Variants in SPATS2L observed in about 807,000 individuals in gnomAD.
SPATS2L encodes spermatogenesis associated serine rich 2 like, also known as SPATS2-like protein.
Under a neutral mutation model 59.6 loss-of-function variants are expected in SPATS2L, and 30 were observed. The observed-to-expected ratio is 0.50, with a 90% confidence interval of 0.38 to 0.68. The LOEUF (loss-of-function observed/expected upper bound fraction) is 0.68, where lower values mean the gene tolerates loss of function less well. Ranked by LOEUF, SPATS2L falls within the 30% of genes least tolerant of loss-of-function variation. The pLI, the probability that SPATS2L is intolerant of heterozygous loss-of-function variation, is 0.00. For missense variants in SPATS2L, 615 were observed against 700.0 expected (o/e 0.88, Z 1.37); for synonymous variants, 252 against 263.5 (o/e 0.96, Z 0.42).
rs894348760 is a variant in SPATS2L, at chr2:200,327,295, T to G, written c.-72-2136T>G. ...GGCATGCACCTGTAATCCCAGCTAC[T>G]TGAGAGGCCAAGGCAGGAGAATCAC... On this transcript the variant is annotated intron_variant, in intron 1 of 12. Coordinates refer to ENST00000409140, the MANE Select transcript of SPATS2L (RefSeq NM_001100423.2). Among the ~76,000 whole-genome samples, 7 of 152,124 alleles carry G rather than the reference T, an allele frequency of 4.6e-5. No homozygotes were observed. In the East Asian group the frequency reaches 1.4e-3, roughly 30 times the overall value.
chr2:200,381,479 T>C (rs1376718472), intron 2 of SPATS2L, among the ~76,000 whole-genome samples: 1 of 152,164 alleles, frequency 6.6e-6, no homozygotes, highest in African/African-American at 2.4e-5. Context: ...CTTCCAACTC[T>C]CCCTATCGAA....
intron 12 of SPATS2L, among the ~76,000 whole-genome samples, chr2:200,474,932 A>T (rs1053157485): frequency 1.4e-5 from 2 of 145,016 alleles, no homozygotes; most frequent in African/African-American, 5.1e-5. Context: ...GGGCCACTGG[A>T]ATCTACACTC....
chr2:200,356,265 A>G (rs187705691), intron 2 of SPATS2L, among the ~76,000 whole-genome samples: 1 of 152,318 alleles, frequency 6.6e-6, no homozygotes. Context: ...AAAATGATAA[A>G]CATGCATAAA....
At chr2:200,362,504 G>A (rs1574495403) in intron 2 of SPATS2L, among the ~76,000 whole-genome samples, 1 of 152,174 alleles carries the variant, frequency 6.6e-6, no homozygotes, top group Non-Finnish European at 1.5e-5. Flanking sequence ...GGGGACAAAA[G>A]AAAGTGGGAA....
At chr2:200,384,336 TTTTATTTATTTA>T (rs10592541) in intron 2 of SPATS2L, among the ~76,000 whole-genome samples, 100 of 148,192 alleles carry the variant, frequency 6.7e-4, no homozygotes, top group African/African-American at 2.3e-3. Flanking sequence ...GGTTCATAAA[TTTTATTTATTTA>T]TTTATTTATT....
At position 200,389,293 on chromosome 2, in the gene SPATS2L, A is replaced by G. The variant is rs2082096673; in HGVS notation, c.39+10A>G. 5 of 1,568,768 alleles carry G rather than the reference A, an allele frequency of 3.2e-6. No homozygotes were observed. The highest frequency in any genetic ancestry group is 4.3e-6 in the Non-Finnish European group (5 of 1,153,464). On this transcript the variant is annotated intron_variant, in intron 3 of 12. Transcript: ENST00000409140. ...GAATGTCAAGGAAAAGGTAAGATCA[A>G]GTTATACGTTGGCTCACAGAAACTC...
intron 2 of SPATS2L, among the ~76,000 whole-genome samples, chr2:200,353,551 C>A (rs573316010): frequency 6.6e-6 from 1 of 152,244 alleles, no homozygotes; most frequent in Non-Finnish European, 1.5e-5. Flanking sequence ...TCTTCCAACC[C>A]TTTACCATTC....
chr2:200,444,802 C>T (rs75384063), intron 8 of SPATS2L, among the ~76,000 whole-genome samples: 5,210 of 152,176 alleles, frequency 0.034, 190 homozygotes, highest in East Asian at 0.16. Flanking sequence ...ACAGGGTGAA[C>T]CTCCTGCTGC....
In SPATS2L at chr2:200,478,049, C is replaced by G; in HGVS notation, c.*18C>G. 6.6e-7 allele frequency: 1 copy of G among 1,523,258 alleles called. No individual in the cohort carries two copies. Among genetic ancestry groups the G allele is most frequent in the Non-Finnish European group, 8.8e-7 (1 of 1,137,396 alleles). 94.4% of individuals were successfully genotyped at this position (1,523,258 alleles called of 1,614,324 possible). ...TGGCCTGAGCTAGGAGGAAAAAGAGCAGTTTTCACTCAGTTTTGGTTCCCT... is the reference window on the plus strand; with the variant it reads ...TGGCCTGAGCTAGGAGGAAAAAGAGGAGTTTTCACTCAGTTTTGGTTCCCT... On this transcript the variant is annotated 3_prime_UTR_variant, in exon 13 of 13. Transcript: ENST00000409140.
intron 8 of SPATS2L, among the ~76,000 whole-genome samples, chr2:200,454,949 T>C (rs181841281): frequency 2.6e-5 from 4 of 152,328 alleles, no homozygotes; most frequent in South Asian, 4.1e-4. Flanking sequence ...AGATGATCAG[T>C]GGTGGGAGAA....
chr2:200,449,876 A>G (rs752234583), intron 8 of SPATS2L, among the ~76,000 whole-genome samples: 1 of 152,148 alleles, frequency 6.6e-6, no homozygotes, highest in Non-Finnish European at 1.5e-5. Context: ...GCAGTTTGTC[A>G]GCTAAGTCAG....
chr2:200,314,348 C>T (rs1457103431), intron 1 of SPATS2L, among the ~76,000 whole-genome samples: 1 of 152,212 alleles, frequency 6.6e-6, no homozygotes, highest in Non-Finnish European at 1.5e-5. Context: ...CTCCCTGTAT[C>T]ATAACCTTCA....
chr2:200,375,661 T>C (rs1183320455), intron 2 of SPATS2L, among the ~76,000 whole-genome samples: 1 of 152,176 alleles, frequency 6.6e-6, no homozygotes, highest in East Asian at 1.9e-4. Flanking sequence ...GGTCTTACTC[T>C]GTCATCCAGG....
intron 3 of SPATS2L, among the ~76,000 whole-genome samples, chr2:200,398,609 A>C (rs190608144): frequency 6.6e-6 from 1 of 152,316 alleles, no homozygotes; most frequent in East Asian, 1.9e-4. Context: ...TTTGTGTACA[A>C]TGTGTATACA....
intron 1 of SPATS2L, among the ~76,000 whole-genome samples, chr2:200,314,377 C>A (rs1285995268): frequency 6.6e-6 from 1 of 152,186 alleles, no homozygotes; most frequent in Non-Finnish European, 1.5e-5. Flanking sequence ...GTGGTTCGGG[C>A]CCTCATCCCT....
intron 3 of SPATS2L, among the ~76,000 whole-genome samples, chr2:200,407,616 A>G (rs576080428): frequency 6.6e-6 from 1 of 152,210 alleles, no homozygotes; most frequent in African/African-American, 2.4e-5. Context: ...GTGCTTTTTC[A>G]TATTTTTAAA....
At chr2:200,398,850 C>A (rs755260679) in intron 3 of SPATS2L, among the ~76,000 whole-genome samples, 10 of 151,700 alleles carry the variant, frequency 6.6e-5, no homozygotes, top group Non-Finnish European at 1.5e-4. Flanking sequence ...GAACTTAGCA[C>A]GTAACCTCTC....
intron 11 of SPATS2L, among the ~76,000 whole-genome samples, chr2:200,470,249 A>C (rs1209275446): frequency 6.6e-6 from 1 of 152,236 alleles, no homozygotes; most frequent in African/African-American, 2.4e-5. Context: ...GTGGAACAGA[A>C]CAGGTCAACT....
chr2:200,388,943 T>C (rs918858862), intron 2 of SPATS2L, among the ~76,000 whole-genome samples: 1 of 152,212 alleles, frequency 6.6e-6, no homozygotes, highest in Non-Finnish European at 1.5e-5. Context: ...TTCTTTTACA[T>C]AATAGGAAGA....
Sources: allele counts gnomAD v4.1 joint callset (sites outside exome capture counted in the v4.1 genomes callset), GRCh38; gene constraint gnomAD v4.1.1; transcripts MANE v1.5; gene names NCBI Gene and HGNC (gene_info 2026-07-23, HGNC 2026-07-21).